The following SRGAP2 variants were observed in gnomAD, a reference collection of about 807,000 sequenced individuals.
The protein encoded by SRGAP2 is SLIT-ROBO Rho GTPase activating protein 2.
Under a neutral mutation model 57.2 loss-of-function variants are expected in SRGAP2, and 15 were observed. The ratio of observed to expected loss-of-function variants is 0.26; its 90% CI spans 0.18 to 0.40. The LOEUF is 0.40. Among genes scored for constraint, SRGAP2 ranks in the 10% least tolerant of loss-of-function variants. The pLI is 1.00. For missense variants in SRGAP2, 520 were observed against 669.6 expected (o/e 0.78, Z 2.47); for synonymous variants, 249 against 248.0 (o/e 1.00, Z -0.04).
At chr1:206,458,338 A>G in intron 21 of SRGAP2, 1 of 603,500 alleles carries the variant, frequency 1.7e-6, no homozygotes, top group Non-Finnish European at 3.2e-6. Context: ...TCCCATTAGA[A>G]ACCTTCGCTT....
At position 206,430,697 on chromosome 1, in the gene SRGAP2, G is replaced by A. The variant is rs74145642; in HGVS notation, c.1555+475G>A. Among the ~76,000 whole-genome samples, 849 of 152,298 alleles carry A rather than the reference G, an allele frequency of 5.6e-3. 7 individuals carry two copies. The highest frequency in any genetic ancestry group is 0.02 in the African/African-American group (813 of 41,562). ...GGTTTGGTCTCACTGGATACAGCAT[G>A]GCCAAGGGCTGAGTTAGTAGCTGGT... is the stretch of plus-strand genomic sequence containing the variant. On this transcript the variant is annotated intron_variant, in intron 14 of 22. Transcript: ENST00000573034.
intron 14 of SRGAP2, among the ~76,000 whole-genome samples, chr1:206,435,614 A>G (rs1326210025): frequency 6.6e-6 from 1 of 152,208 alleles, no homozygotes; most frequent in South Asian, 2.1e-4. Flanking sequence ...CTTGCACTCC[A>G]GTAGACTCCA....
chr1:206,224,373 C>T (rs1401267909), intron 2 of SRGAP2, among the ~76,000 whole-genome samples: 1 of 146,744 alleles, frequency 6.8e-6, no homozygotes, highest in Non-Finnish European at 1.5e-5. Flanking sequence ...TGTCTGTGAT[C>T]ATAGAAACCA....
At chr1:206,303,546 C>T in intron 3 of SRGAP2, 73 bp downstream of exon 3, 2 of 730,874 alleles carry the variant, frequency 2.7e-6, no homozygotes, top group South Asian at 2.1e-5. Context: ...GCAGGGTATG[C>T]CACTTAGATC....
At chr1:206,275,851 G>A (rs1242536146) in intron 2 of SRGAP2, among the ~76,000 whole-genome samples, 1 of 151,990 alleles carries the variant, frequency 6.6e-6, no homozygotes, top group Non-Finnish European at 1.5e-5. Flanking sequence ...TCTTGACCTC[G>A]TGATCCACCC....
intron 19 of SRGAP2, among the ~76,000 whole-genome samples, chr1:206,452,784 G>C (rs529218775): frequency 9.2e-5 from 14 of 151,356 alleles, no homozygotes; most frequent in African/African-American, 3.4e-4. Flanking sequence ...TACTTGGGAG[G>C]CTGAGGCAGG....
intron 14 of SRGAP2, among the ~76,000 whole-genome samples, chr1:206,433,973 C>T (rs1377253579): frequency 6.6e-6 from 1 of 152,160 alleles, no homozygotes; most frequent in Non-Finnish European, 1.5e-5. Flanking sequence ...GCTCAAAAAA[C>T]ATCTGTTCCA....
intron 4 of SRGAP2, among the ~76,000 whole-genome samples, chr1:206,374,305 C>A (rs1211937454): frequency 6.6e-6 from 1 of 150,380 alleles, no homozygotes; most frequent in Non-Finnish European, 1.5e-5. Context: ...CGTGAGCCAC[C>A]GCGCCCGGCC....
At chr1:206,362,090 G>A (rs540808051) in intron 4 of SRGAP2, among the ~76,000 whole-genome samples, 1 of 152,312 alleles carries the variant, frequency 6.6e-6, no homozygotes, top group African/African-American at 2.4e-5. Flanking sequence ...TGTAATCAGA[G>A]CACATGATTT....
intron 16 of SRGAP2, among the ~76,000 whole-genome samples, chr1:206,438,680 G>A (rs1305857400): frequency 1.3e-5 from 2 of 152,196 alleles, no homozygotes; most frequent in South Asian, 2.1e-4. Flanking sequence ...GGTTTAGCTT[G>A]TGGTACTGGA....
At chr1:206,287,868 G>A (rs1671100146) in intron 2 of SRGAP2, among the ~76,000 whole-genome samples, 1 of 106,898 alleles carries the variant, frequency 9.4e-6, no homozygotes, top group Admixed American at 8.3e-5. Context: ...ATGATGATAC[G>A]GAAAATAAGA....
intron 2 of SRGAP2, among the ~76,000 whole-genome samples, chr1:206,283,182 C>T (rs1470697675): frequency 4.3e-4 from 65 of 152,188 alleles, no homozygotes; most frequent in African/African-American, 1.2e-3. Flanking sequence ...GAGCCCTAGA[C>T]CAATTTCTGT....
chr1:206,208,543 G>A (rs1294203851), intron 2 of SRGAP2, among the ~76,000 whole-genome samples: 1 of 152,096 alleles, frequency 6.6e-6, no homozygotes, highest in African/African-American at 2.4e-5. Flanking sequence ...GTGTGTTCTG[G>A]TGATTGGCCA....
intron 2 of SRGAP2, among the ~76,000 whole-genome samples, chr1:206,232,270 C>T (rs1297511511): frequency 2.0e-5 from 3 of 152,080 alleles, no homozygotes; most frequent in African/African-American, 7.2e-5. Flanking sequence ...ACACTCCAGT[C>T]AAGGTTTTCC....
intron 13 of SRGAP2, among the ~76,000 whole-genome samples, chr1:206,423,439 T>G (rs1660490490): frequency 6.6e-6 from 1 of 152,238 alleles, no homozygotes; most frequent in South Asian, 2.1e-4. Flanking sequence ...CGACTAGACA[T>G]TCATACTTGA....
chr1:206,306,176 C>T (rs1235316130), intron 3 of SRGAP2, among the ~76,000 whole-genome samples: 1 of 152,164 alleles, frequency 6.6e-6, no homozygotes, highest in Non-Finnish European at 1.5e-5. Context: ...GGTTCTTGGT[C>T]TCACTGACTT....
chr1:206,414,750 C>T (rs1422929175), intron 10 of SRGAP2, among the ~76,000 whole-genome samples: 1 of 152,210 alleles, frequency 6.6e-6, no homozygotes, highest in Non-Finnish European at 1.5e-5. Context: ...TTTGATACCT[C>T]CCCTCCCCTG....
intron 17 of SRGAP2, among the ~76,000 whole-genome samples, 164 bp downstream of exon 17, chr1:206,440,245 G>A (rs1195155201): frequency 6.6e-6 from 1 of 152,194 alleles, no homozygotes; most frequent in Non-Finnish European, 1.5e-5. Flanking sequence ...TTAAATAAAA[G>A]ATGAAAGCCT....
Position 206,462,175 on chromosome 1 carries a change from A to C in SRGAP2, c.*755A>C, listed in dbSNP as rs1330498484. ...TCTCTGTGTTCTTTCCATTGATGTG[A>C]ATTGGTCATTGGTGTTTGCTCTTGC... On this transcript the variant is annotated 3_prime_UTR_variant, in exon 23 of 23. Transcript: ENST00000573034. The C allele has an allele frequency of 6.6e-6, 1 of 152,468 alleles. No homozygotes were observed. Among genetic ancestry groups the C allele is most frequent in the Non-Finnish European group, 1.5e-5 (1 of 68,058 alleles). 9.4% of individuals were successfully genotyped at this position (152,468 alleles called of 1,614,324 possible). A position where few individuals can be genotyped will look rare whatever the true frequency, so the allele number is the denominator to read the frequency against.
Sources: gnomAD v4.1 joint callset for allele counts (sites outside exome capture counted in the v4.1 genomes callset) on GRCh38, gnomAD v4.1.1 for gene constraint, MANE v1.5 for transcripts, NCBI Gene and HGNC (gene_info 2026-07-23, HGNC 2026-07-21) for gene names.